The following ZDHHC6 variants were observed in gnomAD, a reference collection of about 807,000 sequenced individuals.
The protein encoded by ZDHHC6 is zDHHC palmitoyltransferase 6, also known as palmitoyltransferase ZDHHC6.
ZDHHC6 carries 32 observed loss-of-function variants against 57.8 expected under a neutral mutation model. The observed-to-expected ratio is 0.55, with a 90% CI of 0.42 to 0.74. The LOEUF (loss-of-function observed/expected upper bound fraction) is 0.74, where lower values mean the gene tolerates loss of function less well. Among genes scored for constraint, ZDHHC6 ranks in the 30% least tolerant of loss-of-function variants. The pLI is 0.00. For synonymous variants in ZDHHC6, 128 were observed against 158.0 expected (o/e 0.81, Z 1.42); for missense variants, 433 against 500.7 (o/e 0.86, Z 1.29).
In ZDHHC6 at chr10:112,437,069, T is replaced by C. The variant is rs145643382; in HGVS notation, c.735+1267A>G. 7.6e-3 allele frequency among the ~76,000 whole-genome samples: 1,150 copies of C among 151,968 alleles called. 13 individuals carry two copies. Among genetic ancestry groups the C allele is most frequent in the African/African-American group, 0.026 (1,085 of 41,414 alleles). On this transcript the variant is annotated intron_variant, in intron 6 of 10. Coordinates refer to ENST00000369405, the MANE Select transcript of ZDHHC6 (RefSeq NM_022494.3). ...TTCTCAAAAACGAACAGTCAGGCAGTCACTTCAAGGGAAATGACTGACAGT... is the reference window on the plus strand; with the variant it reads ...TTCTCAAAAACGAACAGTCAGGCAGCCACTTCAAGGGAAATGACTGACAGT...
chr10:112,447,271 G>A (rs1846870936), upstream of ZDHHC6: 5 of 1,280,408 alleles, frequency 3.9e-6, no homozygotes, highest in Non-Finnish European at 5.4e-6. Flanking sequence ...TTCTGCTCTC[G>A]GGGGCACCTT....
At chr10:112,428,045 C>T, downstream of ZDHHC6, 1 of 180,534 alleles carries the variant, frequency 5.5e-6, no homozygotes, top group Non-Finnish European at 1.2e-5. Context: ...AAAAGGAATG[C>T]TGTTCTTAAA....
chr10:112,425,284 C>G (rs899659917), exon 12 of ZDHHC6: 2 of 1,504,486 alleles, frequency 1.3e-6, no homozygotes, highest in African/African-American at 2.8e-5. Flanking sequence ...ACTCTCCCCA[C>G]TGATATCATC....
At position 112,442,207 on chromosome 10, in the gene ZDHHC6, TG is replaced by T. The variant is rs1385827079; in HGVS notation, c.503del (p.Thr168AsnfsTer14). The T allele has an allele frequency of 6.2e-7, 1 of 1,609,984 alleles. No individual in the cohort carries two copies. The highest frequency in any genetic ancestry group is 2.2e-5 in the East Asian group (1 of 44,784). ...AAFIFVMTMYTQLYHRLSFGW... is the reference protein window; with the variant it reads ...AAFIFVMTMYXQLYHRLSFGW... ...TTTCACTTACCCGATGATAAAGCTGTGTGTACATAGTCATCACAAAAATGAA... is the reference window on the plus strand; with the variant it reads ...TTTCACTTACCCGATGATAAAGCTGTTGTACATAGTCATCACAAAAATGAA... On this transcript the variant is annotated frameshift_variant, in exon 4 of 11. Transcript: ENST00000369405. LOFTEE classifies it high-confidence loss of function.
At chr10:112,436,180 A>G (rs1845510398) in intron 6 of ZDHHC6, among the ~76,000 whole-genome samples, 1 of 152,220 alleles carries the variant, frequency 6.6e-6, no homozygotes, top group African/African-American at 2.4e-5. Flanking sequence ...GGAGAAGTAG[A>G]TAAAAAGAAG....
At chr10:112,428,642 G>A (rs1329688420), downstream of ZDHHC6, among the ~76,000 whole-genome samples, 2 of 152,036 alleles carry the variant, frequency 1.3e-5, no homozygotes, top group Admixed American at 6.6e-5. Flanking sequence ...GTGGTGGCGG[G>A]CACCTGTAGT....
At chr10:112,433,934 T>C (rs1845278892) in intron 7 of ZDHHC6, among the ~76,000 whole-genome samples, 1 of 151,934 alleles carries the variant, frequency 6.6e-6, no homozygotes, top group Non-Finnish European at 1.5e-5. Flanking sequence ...CTGGAACGAG[T>C]CTTAATAATT....
At chr10:112,447,274 G>A (rs564789327), upstream of ZDHHC6, 14 of 1,311,336 alleles carry the variant, frequency 1.1e-5, no homozygotes, top group African/African-American at 1.6e-4. Context: ...TGCTCTCGGG[G>A]GCACCTTCCG....
At chr10:112,431,085 T>C (rs1844979124) in intron 10 of ZDHHC6, among the ~76,000 whole-genome samples, 178 bp from the exon 11 acceptor site, 1 of 152,202 alleles carries the variant, frequency 6.6e-6, no homozygotes, top group South Asian at 2.1e-4. Context: ...TAAATGTTCA[T>C]AACAAGCTAG....
downstream of ZDHHC6, chr10:112,426,188 A>T: frequency 7.3e-6 from 9 of 1,227,274 alleles, no homozygotes; most frequent in South Asian, 1.1e-4. Context: ...ATTCTGCTTT[A>T]TTTAACTACT....
At chr10:112,425,097 A>G (rs981059128) in exon 12 of ZDHHC6, 2 of 319,376 alleles carry the variant, frequency 6.3e-6, no homozygotes, top group African/African-American at 2.1e-5. Flanking sequence ...CAGTAGATCC[A>G]GGAGACTTTC....
chr10:112,436,579 T>A (rs930241745), intron 6 of ZDHHC6, among the ~76,000 whole-genome samples: 13 of 152,258 alleles, frequency 8.5e-5, no homozygotes, highest in Non-Finnish European at 1.6e-4. Context: ...GCTTTATAGA[T>A]CACTTTGAGT....
intron 8 of ZDHHC6, 48 bp from the exon 9 acceptor site, chr10:112,432,569 C>T (rs1328537859): frequency 6.3e-7 from 1 of 1,577,318 alleles, no homozygotes; most frequent in East Asian, 2.2e-5. Context: ...CCCATGATAT[C>T]TGAGTTTTAA....
chr10:112,436,715 A>C (rs2133830443), intron 6 of ZDHHC6, among the ~76,000 whole-genome samples: 1 of 152,322 alleles, frequency 6.6e-6, no homozygotes, highest in Non-Finnish European at 1.5e-5. Flanking sequence ...TCTTAGCAAA[A>C]ACCAAGGCAG....
exon 12 of ZDHHC6, chr10:112,425,046 T>A (rs951158648): frequency 8.5e-6 from 2 of 235,060 alleles, no homozygotes; most frequent in South Asian, 1.7e-4. Flanking sequence ...TTGAGAGCTG[T>A]GCAATTTCTT....
rs372711851 is a variant in ZDHHC6 at position 112,432,222 on chromosome 10, G to A, written c.1138+18C>T. 3.8e-6 allele frequency: 6 copies of A among 1,590,692 alleles called. No individual in the cohort carries two copies. In the African/African-American group the frequency reaches 5.5e-5, roughly 14 times the overall value. ...GCTAATAGTCTTGTCCTTTAAACAT[G>A]CCCTTCCATTTCCATACCTTCTATA... On this transcript the variant is annotated intron_variant, in intron 10 of 10. Coordinates refer to ENST00000369405, the MANE Select transcript of ZDHHC6 (RefSeq NM_022494.3).
intron 10 of ZDHHC6, among the ~76,000 whole-genome samples, chr10:112,431,179 C>T (rs889319745): frequency 1.3e-5 from 2 of 152,126 alleles, no homozygotes; most frequent in Admixed American, 6.5e-5. Flanking sequence ...AGGGGGAACT[C>T]GGTATGGGTG....
intron 6 of ZDHHC6, among the ~76,000 whole-genome samples, chr10:112,437,771 T>C (rs1241952865): frequency 6.6e-6 from 1 of 152,222 alleles, no homozygotes; most frequent in Non-Finnish European, 1.5e-5. Flanking sequence ...CTCCCCTTCA[T>C]GGACGTTATC....
chr10:112,426,618 CT>C, downstream of ZDHHC6: 1 of 650,230 alleles, frequency 1.5e-6, no homozygotes. Flanking sequence ...TTAGATGTGC[CT>C]TTTCTTCTCA....
Sources: gnomAD v4.1 joint callset for allele counts (sites outside exome capture counted in the v4.1 genomes callset) on GRCh38, gnomAD v4.1.1 for gene constraint, MANE v1.5 for transcripts, NCBI Gene and HGNC (gene_info 2026-07-23, HGNC 2026-07-21) for gene names.